Variants in CEP290 observed in about 807,000 individuals in gnomAD.
CEP290 encodes centrosomal protein of 290 kDa.
In CEP290, 317 loss-of-function variants were observed where a neutral mutation model predicts 344.9. The observed-to-expected ratio is 0.92, with a 90% CI of 0.84 to 1.01. CEP290 has a LOEUF of 1.01. Among genes scored for constraint, CEP290 ranks in the 50% least tolerant of loss-of-function variants. The probability of loss-of-function intolerance (pLI) is 0.00; values close to 1 mark genes in which losing one functional copy is unlikely to be tolerated. For synonymous variants in CEP290, 932 were observed against 895.8 expected (o/e 1.04, Z -0.72); for missense variants, 2,754 against 2,761.4 (o/e 1.00, Z 0.06).
intron 41 of CEP290, 93 bp downstream of exon 41, chr12:88,077,129 A>T: frequency 8.2e-7 from 1 of 1,213,512 alleles, no homozygotes; most frequent in Non-Finnish European, 1.1e-6. Flanking sequence ...CAGGTCATCA[A>T]ATTAAGGCAG....
intron 49 of CEP290, among the ~76,000 whole-genome samples, chr12:88,056,880 T>G (rs1042583743): frequency 6.6e-6 from 1 of 152,158 alleles, no homozygotes; most frequent in Admixed American, 6.5e-5. Flanking sequence ...TTTTTTTCTT[T>G]TTCTTTCTCT....
chr12:88,055,356 T>C (rs542539389), intron 50 of CEP290, among the ~76,000 whole-genome samples: 1 of 152,006 alleles, frequency 6.6e-6, no homozygotes, highest in Non-Finnish European at 1.5e-5. Context: ...AGTTTGAAAA[T>C]AGAGCTGACA....
At chr12:88,129,096 T>G in intron 10 of CEP290, 61 bp from the exon 11 acceptor site, 1 of 891,766 alleles carries the variant, frequency 1.1e-6, no homozygotes, top group Non-Finnish European at 1.6e-6. Flanking sequence ...TTTACACCTG[T>G]GCATATTTAC....
Position 88,077,177 on chromosome 12 carries a change from C to G in CEP290, c.5709+45G>C, listed in dbSNP as rs45477793. 0.15 allele frequency: 238,134 copies of G among 1,555,648 alleles called. 20,567 individuals are homozygous for G. Among genetic ancestry groups the G allele is most frequent in the Middle Eastern group, 0.27 (1,608 of 5,914 alleles). On this transcript the variant is annotated intron_variant, in intron 41 of 53. Transcript: ENST00000552810. ...TAATCAGCTATGTATTTAACTTACT[C>G]TGTCACTACCTTAAGCATATAAGTC... is the stretch of plus-strand genomic sequence containing the variant.
At chr12:88,133,022 T>C (rs934542299) in intron 6 of CEP290, among the ~76,000 whole-genome samples, 2 of 151,886 alleles carry the variant, frequency 1.3e-5, no homozygotes, top group Non-Finnish European at 2.9e-5. Flanking sequence ...CTGAGGATAA[T>C]GGCTTCCACC....
At position 88,131,116 on chromosome 12, in the gene CEP290, TTTTAATAAGTACC is replaced by T; in HGVS notation, c.495+36_495+48del. On this transcript the variant is annotated intron_variant, in intron 7 of 53. Coordinates refer to ENST00000552810, the MANE Select transcript of CEP290 (RefSeq NM_025114.4). Reference sequence around the variant, plus strand: ...AAATTTATGTAAACTTAGGTACTTATTTTAATAAGTACCTTTGTTGAACCACCACAACTACTAA... The same window carrying T: ...AAATTTATGTAAACTTAGGTACTTATTTTGTTGAACCACCACAACTACTAA... 2.2e-6 allele frequency: 3 copies of T among 1,384,386 alleles called. No homozygotes were observed. The East Asian group carries it at 8.2e-5, about 38-fold the overall frequency. The allele number at this position is 1,384,386 out of a possible 1,614,324, so 85.8% of individuals were successfully genotyped here. A position where few individuals can be genotyped will look rare whatever the true frequency, so the allele number is the denominator to read the frequency against.
At position 88,129,598 on chromosome 12, in the gene CEP290, T is replaced by C; in HGVS notation, c.852+96A>G. 3 of 701,942 alleles carry C rather than the reference T, an allele frequency of 4.3e-6. No homozygotes were observed. In the South Asian group the frequency reaches 6.8e-5, roughly 16 times the overall value. The allele number at this position is 701,942 out of a possible 1,614,324, so 43.5% of individuals were successfully genotyped here. A position where few individuals can be genotyped will look rare whatever the true frequency, so the allele number is the denominator to read the frequency against. On this transcript the variant is annotated intron_variant, in intron 10 of 53. Transcript: ENST00000552810. ...ACACTATTAAAAAGACAGACAAAAA[T>C]TCACATCCTAGAAAAAGTACTTTCT... is the stretch of plus-strand genomic sequence containing the variant.
chr12:88,062,575 C>T, intron 46 of CEP290, 117 bp downstream of exon 46: 1 of 647,142 alleles, frequency 1.5e-6, no homozygotes, highest in Non-Finnish European at 2.7e-6. Flanking sequence ...AGAATAAACA[C>T]TGAAACTACA....
At chr12:88,119,669 C>T (rs2039284094) in intron 15 of CEP290, among the ~76,000 whole-genome samples, 1 of 152,034 alleles carries the variant, frequency 6.6e-6, no homozygotes, top group Admixed American at 6.6e-5. Flanking sequence ...CATAGTGGTG[C>T]ACACCTGTAA....
At chr12:88,054,587 A>G (rs2136639895) in intron 50 of CEP290, among the ~76,000 whole-genome samples, 174 bp from the exon 51 acceptor site, 2 of 152,340 alleles carry the variant, frequency 1.3e-5, no homozygotes, top group Middle Eastern at 6.8e-3. Flanking sequence ...TAACTACTGC[A>G]TAACTGGCAT....
At chr12:88,083,772 A>G (rs1396903196) in intron 36 of CEP290, 75 bp downstream of exon 36, 1 of 964,128 alleles carries the variant, frequency 1.0e-6, no homozygotes, top group Admixed American at 2.7e-5. Flanking sequence ...CATTCCAAAA[A>G]AGAAGAGAGC....
intron 38 of CEP290, among the ~76,000 whole-genome samples, chr12:88,079,863 A>G (rs923924430): frequency 5.9e-5 from 9 of 152,166 alleles, no homozygotes; most frequent in Non-Finnish European, 2.9e-5. Flanking sequence ...CCTCAGTAGC[A>G]TAAAATTCCA....
chr12:88,089,728 T>G (rs1442487997), intron 30 of CEP290, among the ~76,000 whole-genome samples: 1 of 146,866 alleles, frequency 6.8e-6, no homozygotes, highest in Non-Finnish European at 1.5e-5. Flanking sequence ...TTACTGGTGT[T>G]TTTTTTTTTT....
chr12:88,126,829 A>G (rs2138032688), intron 11 of CEP290, among the ~76,000 whole-genome samples: 1 of 152,226 alleles, frequency 6.6e-6, no homozygotes, highest in South Asian at 2.1e-4. Flanking sequence ...AAGAAAAGGT[A>G]TCTTGTGTTC....
At chr12:88,074,381 G>C (rs893535032) in intron 41 of CEP290, among the ~76,000 whole-genome samples, 1 of 152,160 alleles carries the variant, frequency 6.6e-6, no homozygotes, top group Non-Finnish European at 1.5e-5. Context: ...ACAGTACTTT[G>C]TTGGGTTTGG....
chr12:88,109,013 C>A (rs2038487537), intron 23 of CEP290, 53 bp downstream of exon 23: 2 of 590,640 alleles, frequency 3.4e-6, no homozygotes, highest in Non-Finnish European at 5.7e-6. Flanking sequence ...GTTACTTTCA[C>A]AATTAACAAG....
rs1001928022 is a variant in CEP290 at position 88,128,868 on chromosome 12, A to G, written c.942+78T>C. 29 of 828,434 alleles carry G rather than the reference A, an allele frequency of 3.5e-5. No homozygotes were observed. In the African/African-American group the frequency reaches 4.4e-4, roughly 12 times the overall value. 51.3% of individuals were successfully genotyped at this position (828,434 alleles called of 1,614,324 possible). ...AACGTGTTATAAACCAGTATAAGACATTTAAAGAAAAATAAGACTAAAATT... is the reference window on the plus strand; with the variant it reads ...AACGTGTTATAAACCAGTATAAGACGTTTAAAGAAAAATAAGACTAAAATT... On this transcript the variant is annotated intron_variant, in intron 11 of 53. Coordinates refer to ENST00000552810, the MANE Select transcript of CEP290 (RefSeq NM_025114.4).
In CEP290 at chr12:88,055,679, A is replaced by G. The variant is rs991777856; in HGVS notation, c.6857T>C (p.Ile2286Thr). 6 of 1,549,266 alleles carry G rather than the reference A, an allele frequency of 3.9e-6. No homozygotes were observed. The highest frequency in any genetic ancestry group is 2.7e-5 in the African/African-American group (2 of 72,828). The change falls in exon 50 of 54, where the codon ATT becomes ACT. Residue 2286 changes from isoleucine to threonine, a missense_variant. By Grantham distance (89) the Ile-to-Thr change is moderately conservative. Transcript: ENST00000552810. ...ETKLKELETD[I>T]AKKNQSITDL... ...AGTAATGCTTTGATTTTTTTTGGCA[A>G]TATCAGTTTCCAATTCTTTTAACTT...
chr12:88,086,263 A>G, intron 33 of CEP290, 90 bp from the exon 34 acceptor site: 1 of 1,494,922 alleles, frequency 6.7e-7, no homozygotes, highest in Non-Finnish European at 9.1e-7. Flanking sequence ...AACATAGATT[A>G]AACCCCTCTT....
Sources: allele counts gnomAD v4.1 joint callset (sites outside exome capture counted in the v4.1 genomes callset), GRCh38; gene constraint gnomAD v4.1.1; transcripts MANE v1.5; gene names NCBI Gene and HGNC (gene_info 2026-07-23, HGNC 2026-07-21).